KAT2B: variants seen among roughly 807,000 people sequenced by gnomAD.
KAT2B encodes the protein histone acetyltransferase KAT2B.
A neutral mutation model predicts 105.9 loss-of-function variants in KAT2B; 36 were observed. The observed-to-expected ratio is 0.34, with a 90% CI of 0.26 to 0.45. The LOEUF (loss-of-function observed/expected upper bound fraction) is 0.45, where lower values mean the gene tolerates loss of function less well. Ranked by LOEUF, KAT2B falls within the 20% of genes least tolerant of loss-of-function variation. The probability of loss-of-function intolerance (pLI) is 1.00; values close to 1 mark genes in which losing one functional copy is unlikely to be tolerated. For synonymous variants in KAT2B, 397 were observed against 377.9 expected (o/e 1.05, Z -0.59); for missense variants, 820 against 1,021.6 (o/e 0.80, Z 2.69).
chr3:20,059,826 C>T (rs1360562747), intron 1 of KAT2B, among the ~76,000 whole-genome samples: 1 of 152,174 alleles, frequency 6.6e-6, no homozygotes, highest in African/African-American at 2.4e-5. Context: ...CAATCATCAC[C>T]ACAATCTACC....
intron 1 of KAT2B, among the ~76,000 whole-genome samples, chr3:20,049,473 C>T (rs1434760405): frequency 6.6e-6 from 1 of 152,222 alleles, no homozygotes; most frequent in Non-Finnish European, 1.5e-5. Flanking sequence ...CTTCAAGCTA[C>T]AGTGGTTACT....
At chr3:20,115,131 T>TTA (rs1699183424) in intron 7 of KAT2B, 143 bp downstream of exon 7, 1 of 606,572 alleles carries the variant, frequency 1.6e-6, no homozygotes, top group African/African-American at 1.9e-5. Context: ...TCAAACCCAA[T>TTA]TATAGTCTCA....
Position 20,065,615 on chromosome 3 carries a change from C to T in KAT2B, c.304-6718C>T, listed in dbSNP as rs533995658. On this transcript the variant is annotated intron_variant, in intron 1 of 17. Transcript: ENST00000263754. ...ATGTCCTTTTTAGCAAATCAAGTAA[C>T]GAGTCCCATATATATTAAAAATTTT... Among the ~76,000 whole-genome samples, 17 of 152,158 alleles carry T rather than the reference C, an allele frequency of 1.1e-4. No individual in the cohort carries two copies. In the East Asian group the frequency reaches 1.9e-3, roughly 17 times the overall value.
chr3:20,095,713 G>A (rs907124924), intron 3 of KAT2B, among the ~76,000 whole-genome samples: 1 of 152,166 alleles, frequency 6.6e-6, no homozygotes, highest in African/African-American at 2.4e-5. Flanking sequence ...TGGCACTAAC[G>A]TAGGCATGAG....
At chr3:20,097,103 AC>A (rs1698824773) in intron 3 of KAT2B, among the ~76,000 whole-genome samples, 1 of 152,040 alleles carries the variant, frequency 6.6e-6, no homozygotes, top group African/African-American at 2.4e-5. Flanking sequence ...TTCAGCTCGA[AC>A]CCTGGCAGGT....
At chr3:20,134,330 T>C (rs1243736344) in intron 11 of KAT2B, among the ~76,000 whole-genome samples, 7 of 152,254 alleles carry the variant, frequency 4.6e-5, no homozygotes, top group Non-Finnish European at 1.0e-4. Flanking sequence ...CATTTCCTTT[T>C]CCTCTATTCG....
intron 2 of KAT2B, among the ~76,000 whole-genome samples, chr3:20,088,862 T>C (rs1357642682): frequency 6.6e-6 from 1 of 152,240 alleles, no homozygotes; most frequent in Non-Finnish European, 1.5e-5. Context: ...TCTAGTAGTT[T>C]TACAGTTTCA....
chr3:20,089,809 TG>T (rs2125192652), intron 2 of KAT2B, among the ~76,000 whole-genome samples: 1 of 152,266 alleles, frequency 6.6e-6, no homozygotes, highest in African/African-American at 2.4e-5. Flanking sequence ...TAAATGAGAT[TG>T]TTTCCTTGAT....
At chr3:20,071,079 T>C (rs1449229699) in intron 1 of KAT2B, among the ~76,000 whole-genome samples, 1 of 151,956 alleles carries the variant, frequency 6.6e-6, no homozygotes, top group Non-Finnish European at 1.5e-5. Flanking sequence ...ATTAATAATA[T>C]CTTTTCTTTA....
chr3:20,122,921 T>G, intron 9 of KAT2B, 117 bp downstream of exon 9: 3 of 1,414,952 alleles, frequency 2.1e-6, no homozygotes, highest in Non-Finnish European at 2.8e-6. Flanking sequence ...CTACCCTGGT[T>G]TGCATTTAAC....
intron 5 of KAT2B, among the ~76,000 whole-genome samples, chr3:20,104,817 G>A (rs533307812): frequency 1.4e-4 from 21 of 152,048 alleles, no homozygotes; most frequent in African/African-American, 4.3e-4. Context: ...AGACTGAACA[G>A]TAGTACTGCT....
chr3:20,123,889 T>C (rs1157594451), intron 9 of KAT2B, among the ~76,000 whole-genome samples: 1 of 152,162 alleles, frequency 6.6e-6, no homozygotes, highest in African/African-American at 2.4e-5. Flanking sequence ...TTGCCTTGCA[T>C]CTGAGGGCAT....
chr3:20,075,047 C>G (rs1431224534), intron 2 of KAT2B, among the ~76,000 whole-genome samples: 1 of 152,120 alleles, frequency 6.6e-6, no homozygotes, highest in Non-Finnish European at 1.5e-5. Flanking sequence ...TGGCAGATCA[C>G]AAGGTCAGGA....
At chr3:20,085,802 C>T (rs892621742) in intron 2 of KAT2B, among the ~76,000 whole-genome samples, 7 of 152,016 alleles carry the variant, frequency 4.6e-5, no homozygotes, top group African/African-American at 1.4e-4. Context: ...TGAGCCACTG[C>T]GCCCTGCCTA....
rs146639164 is a variant in KAT2B, at chr3:20,063,703, C to T, written c.304-8630C>T. On this transcript the variant is annotated intron_variant, in intron 1 of 17. Coordinates refer to ENST00000263754, the MANE Select transcript of KAT2B (RefSeq NM_003884.5). ...GATTACAGACGTGAGCCACCATGCCCGGTTAATTTTTGTATTTTTAGTAGT... is the reference window on the plus strand; with the variant it reads ...GATTACAGACGTGAGCCACCATGCCTGGTTAATTTTTGTATTTTTAGTAGT... 8.9e-3 allele frequency among the ~76,000 whole-genome samples: 1,344 copies of T among 151,592 alleles called. 69 individuals carry two copies. Among genetic ancestry groups the T allele is most frequent in the Admixed American group, 0.073 (1,102 of 15,166 alleles).
intron 16 of KAT2B, 22 bp from the exon 17 acceptor site, chr3:20,148,381 C>T: frequency 6.2e-7 from 1 of 1,609,522 alleles, no homozygotes; most frequent in Non-Finnish European, 8.5e-7. Flanking sequence ...TATTAGATAC[C>T]TTACTTTTTT....
intron 7 of KAT2B, among the ~76,000 whole-genome samples, chr3:20,117,716 C>G (rs142686727): frequency 1.3e-5 from 2 of 152,076 alleles, no homozygotes; most frequent in African/African-American, 4.8e-5. Flanking sequence ...CGTAGATGAA[C>G]GTTCTCTCTG....
chr3:20,141,939 C>T (rs543313979), intron 13 of KAT2B, among the ~76,000 whole-genome samples: 2 of 152,246 alleles, frequency 1.3e-5, no homozygotes, highest in South Asian at 4.1e-4. Flanking sequence ...TGGCTTTCCT[C>T]ATTGTTCTCT....
At chr3:20,099,242 G>A (rs1020887887) in intron 3 of KAT2B, among the ~76,000 whole-genome samples, 3 of 152,150 alleles carry the variant, frequency 2.0e-5, no homozygotes, top group African/African-American at 7.2e-5. Context: ...GCATTCTACG[G>A]ATGGAAGGGA....
Sources: gnomAD v4.1 joint callset for allele counts (sites outside exome capture counted in the v4.1 genomes callset) on GRCh38, gnomAD v4.1.1 for gene constraint, MANE v1.5 for transcripts, NCBI Gene and HGNC (gene_info 2026-07-23, HGNC 2026-07-21) for gene names.